The following PTPRG variants were observed in gnomAD, a reference collection of about 807,000 sequenced individuals.
PTPRG encodes protein tyrosine phosphatase receptor type G, also known as receptor-type tyrosine-protein phosphatase gamma.
Under a neutral mutation model 165.3 loss-of-function variants are expected in PTPRG, and 102 were observed. That is an observed-to-expected ratio of 0.62 (90% confidence interval 0.53 to 0.73). The LOEUF (loss-of-function observed/expected upper bound fraction) is 0.73, where lower values mean the gene tolerates loss of function less well. Ranked by LOEUF, PTPRG falls within the 30% of genes least tolerant of loss-of-function variation. The probability of loss-of-function intolerance (pLI) is 0.00; values close to 1 mark genes in which losing one functional copy is unlikely to be tolerated. For missense variants in PTPRG, 1,866 were observed against 1,861.4 expected (o/e 1.00, Z -0.05); for synonymous variants, 675 against 669.5 (o/e 1.01, Z -0.13).
intron 2 of PTPRG, among the ~76,000 whole-genome samples, chr3:61,896,321 T>G (rs901303985): frequency 6.6e-6 from 1 of 152,258 alleles, no homozygotes; most frequent in Admixed American, 6.5e-5. Context: ...ATTTAATCTT[T>G]GCAGATTGCT....
chr3:61,688,968 G>C (rs1327919151), intron 1 of PTPRG, among the ~76,000 whole-genome samples: 2 of 152,196 alleles, frequency 1.3e-5, no homozygotes, highest in African/African-American at 2.4e-5. Flanking sequence ...TTGACAGAGA[G>C]GGCAGAGGCT....
intron 4 of PTPRG, among the ~76,000 whole-genome samples, chr3:62,035,762 G>C (rs571100718): frequency 1.3e-5 from 2 of 152,314 alleles, no homozygotes; most frequent in Admixed American, 1.3e-4. Flanking sequence ...AGGAGCTGTA[G>C]CTTCTAGGTG....
intron 5 of PTPRG, among the ~76,000 whole-genome samples, chr3:62,108,904 ATTTG>A (rs1702568948): frequency 6.6e-6 from 1 of 151,850 alleles, no homozygotes; most frequent in Non-Finnish European, 1.5e-5. Flanking sequence ...TTTCTTGTAA[ATTTG>A]TTTAATTTCT....
At chr3:62,188,949 G>A (rs1038598955) in intron 8 of PTPRG, among the ~76,000 whole-genome samples, 1 of 151,950 alleles carries the variant, frequency 6.6e-6, no homozygotes, top group Non-Finnish European at 1.5e-5. Context: ...TCTTTCCCCC[G>A]CCTCCTCCGT....
intron 2 of PTPRG, among the ~76,000 whole-genome samples, chr3:61,814,773 A>T (rs1195588264): frequency 6.6e-6 from 1 of 150,886 alleles, no homozygotes; most frequent in Non-Finnish European, 1.5e-5. Context: ...TTCATCTAGG[A>T]TGACTGGGAG....
chr3:61,866,406 C>T (rs1221578466), intron 2 of PTPRG, among the ~76,000 whole-genome samples: 1 of 151,782 alleles, frequency 6.6e-6, no homozygotes, highest in East Asian at 1.9e-4. Flanking sequence ...AACTTCTGAC[C>T]CCACTGTGCA....
At chr3:62,151,668 G>A (rs1457246758) in intron 6 of PTPRG, among the ~76,000 whole-genome samples, 1 of 151,218 alleles carries the variant, frequency 6.6e-6, no homozygotes, top group Non-Finnish European at 1.5e-5. Context: ...ATGAATGGTG[G>A]TATAAATAGT....
At chr3:61,753,347 G>A (rs2106934046) in intron 2 of PTPRG, among the ~76,000 whole-genome samples, 1 of 152,180 alleles carries the variant, frequency 6.6e-6, no homozygotes, top group African/African-American at 2.4e-5. Flanking sequence ...AAAAAATGCA[G>A]TAGTTTAATA....
chr3:61,997,177 C>T (rs1365143875), intron 3 of PTPRG, among the ~76,000 whole-genome samples: 1 of 152,214 alleles, frequency 6.6e-6, no homozygotes. Flanking sequence ...TCTTACTCAG[C>T]ACGTCCAGTG....
chr3:61,598,714 T>G (rs184216527), intron 1 of PTPRG, among the ~76,000 whole-genome samples: 151 of 152,284 alleles, frequency 9.9e-4, no homozygotes, highest in Non-Finnish European at 1.8e-3. Flanking sequence ...GGCAATGTAT[T>G]GTTTCATAGT....
intron 4 of PTPRG, among the ~76,000 whole-genome samples, chr3:62,028,676 C>G (rs1699656528): frequency 6.6e-6 from 1 of 152,202 alleles, no homozygotes; most frequent in Non-Finnish European, 1.5e-5. Flanking sequence ...GAAACACACT[C>G]AAGTCAGCCT....
intron 2 of PTPRG, among the ~76,000 whole-genome samples, chr3:61,798,774 G>A (rs757176478): frequency 3.9e-5 from 6 of 151,936 alleles, no homozygotes; most frequent in Non-Finnish European, 7.4e-5. Context: ...CTCAAGAGTC[G>A]GAGACAAGGG....
At position 62,245,130 on chromosome 3, in the gene PTPRG, C is replaced by G. The variant is rs1250506419; in HGVS notation, c.2467+1232C>G. 6.6e-6 allele frequency among the ~76,000 whole-genome samples: 1 copy of G among 152,178 alleles called. No individual in the cohort carries two copies. The highest frequency in any genetic ancestry group is 1.5e-5 in the Non-Finnish European group (1 of 68,016). ...TTAACAGAAAGTCTCTGATTAACTT[C>G]CTGTTGGAGCATTTTGTGGCTGCTA... On this transcript the variant is annotated intron_variant, in intron 15 of 29. Coordinates refer to ENST00000474889, the MANE Select transcript of PTPRG (RefSeq NM_002841.4). The surrounding 1 kb of genome is among the most constrained non-coding windows in gnomAD (Gnocchi z 4.2).
intron 4 of PTPRG, among the ~76,000 whole-genome samples, chr3:62,043,312 T>C (rs1032933692): frequency 4.6e-5 from 7 of 152,252 alleles, no homozygotes; most frequent in African/African-American, 1.7e-4. Flanking sequence ...TCCTATTTTC[T>C]CTTTCCAGCT....
At chr3:61,726,284 A>G (rs2032250504) in intron 1 of PTPRG, among the ~76,000 whole-genome samples, 1 of 152,098 alleles carries the variant, frequency 6.6e-6, no homozygotes, top group Admixed American at 6.6e-5. Flanking sequence ...ATCTCTTTCA[A>G]GCGAAAGGGT....
intron 2 of PTPRG, among the ~76,000 whole-genome samples, chr3:61,895,456 A>T (rs1263333602): frequency 3.3e-5 from 5 of 152,196 alleles, no homozygotes; most frequent in Admixed American, 3.3e-4. Flanking sequence ...TTAAGTTTAC[A>T]GTTCAGCTAA....
intron 1 of PTPRG, among the ~76,000 whole-genome samples, chr3:61,657,839 T>C (rs1702549744): frequency 6.6e-6 from 1 of 152,182 alleles, no homozygotes; most frequent in South Asian, 2.1e-4. Context: ...CTGGTTCTCT[T>C]TGTCCTTAAG....
At chr3:61,944,559 T>C (rs1292399532) in intron 2 of PTPRG, among the ~76,000 whole-genome samples, 2 of 152,156 alleles carry the variant, frequency 1.3e-5, no homozygotes, top group African/African-American at 4.8e-5. Context: ...AGTCTGAAAT[T>C]CCCCTTTTCA....
intron 28 of PTPRG, among the ~76,000 whole-genome samples, chr3:62,287,418 G>C (rs1031130761): frequency 6.6e-6 from 1 of 152,016 alleles, no homozygotes; most frequent in African/African-American, 2.4e-5. Flanking sequence ...TATCCTCAGA[G>C]ATCTAAAGGA....
Sources: allele counts gnomAD v4.1 joint callset (sites outside exome capture counted in the v4.1 genomes callset), GRCh38; gene constraint gnomAD v4.1.1; non-coding constraint Gnocchi (gnomAD v3.1); transcripts MANE v1.5; gene names NCBI Gene and HGNC (gene_info 2026-07-23, HGNC 2026-07-21).